The following IPO11 variants were observed in gnomAD, a reference collection of about 807,000 sequenced individuals.
IPO11 encodes importin 11, also known as importin-11.
Under a neutral mutation model 143.2 loss-of-function variants are expected in IPO11, and 66 were observed. The observed-to-expected ratio is 0.46, with a 90% CI of 0.38 to 0.57. IPO11 has a LOEUF of 0.57. Ranked by LOEUF, IPO11 falls within the 20% of genes least tolerant of loss-of-function variation. The pLI, the probability that IPO11 is intolerant of heterozygous loss-of-function variation, is 0.00. For synonymous variants in IPO11, 385 were observed against 377.8 expected (o/e 1.02, Z -0.22); for missense variants, 1,026 against 1,141.0 (o/e 0.90, Z 1.45).
intron 27 of IPO11, among the ~76,000 whole-genome samples, chr5:62,572,882 C>T (rs2112387592): frequency 6.6e-6 from 1 of 152,252 alleles, no homozygotes; most frequent in African/African-American, 2.4e-5. Flanking sequence ...TGTGCCAGGC[C>T]TTTCACATTC....
intron 21 of IPO11, among the ~76,000 whole-genome samples, chr5:62,529,212 A>G (rs941330738): frequency 6.6e-6 from 1 of 152,150 alleles, no homozygotes; most frequent in Non-Finnish European, 1.5e-5. Flanking sequence ...AAGACTTTGT[A>G]TAGTTTTTTT....
intron 3 of IPO11, among the ~76,000 whole-genome samples, chr5:62,447,465 C>G (rs1482658799): frequency 1.3e-5 from 2 of 152,084 alleles, no homozygotes; most frequent in Non-Finnish European, 2.9e-5. Flanking sequence ...CTACTGAAAG[C>G]TTTGTTTTCC....
In IPO11 at chr5:62,551,076, A is replaced by G. The variant is rs150487225; in HGVS notation, c.2347-147A>G. 1,284 of 419,170 alleles carry G rather than the reference A, an allele frequency of 3.1e-3. 16 individuals are homozygous for G. The highest frequency in any genetic ancestry group is 0.023 in the African/African-American group (1,179 of 50,444). 26.0% of individuals were successfully genotyped at this position (419,170 alleles called of 1,614,324 possible). ...TCATATATGTATTTAGTAAGTTAGAACTCAGGCAGTATTGATAGTTCATTC... is the reference window on the plus strand; with the variant it reads ...TCATATATGTATTTAGTAAGTTAGAGCTCAGGCAGTATTGATAGTTCATTC... On this transcript the variant is annotated intron_variant, in intron 25 of 29. Coordinates refer to ENST00000325324, the MANE Select transcript of IPO11 (RefSeq NM_016338.5).
chr5:62,590,458 G>A (rs1744967567), intron 27 of IPO11, among the ~76,000 whole-genome samples: 2 of 152,098 alleles, frequency 1.3e-5, no homozygotes, highest in Admixed American at 6.5e-5. Flanking sequence ...CCTACTTCCT[G>A]TATTTAAAAT....
At chr5:62,440,147 A>G (rs1401063439) in intron 2 of IPO11, among the ~76,000 whole-genome samples, 1 of 152,206 alleles carries the variant, frequency 6.6e-6, no homozygotes, top group East Asian at 1.9e-4. Context: ...GAAGGTGGAC[A>G]TGTAAAGTGT....
At chr5:62,451,972 T>C in intron 5 of IPO11, 39 bp downstream of exon 5, 1 of 1,557,956 alleles carries the variant, frequency 6.4e-7, no homozygotes, top group South Asian at 1.1e-5. Context: ...TTATGAAAAT[T>C]GTGCGGCCGG....
chr5:62,573,140 G>C (rs1744199452), intron 27 of IPO11, among the ~76,000 whole-genome samples: 1 of 151,766 alleles, frequency 6.6e-6, no homozygotes, highest in South Asian at 2.1e-4. Context: ...TCTGCCTCCC[G>C]GCTTGTAGCT....
chr5:62,419,121 C>G, intron 1 of IPO11: 1 of 1,549,460 alleles, frequency 6.5e-7, no homozygotes, highest in African/African-American at 1.4e-5. Context: ...GCAGTTGTCA[C>G]AAAATGGTAA....
intron 7 of IPO11, among the ~76,000 whole-genome samples, chr5:62,470,965 T>C: frequency 6.6e-6 from 1 of 151,308 alleles, no homozygotes; most frequent in Non-Finnish European, 1.5e-5. Flanking sequence ...GTCACTGGGA[T>C]TACAGGCATG....
At chr5:62,591,551 C>G (rs370219019) in intron 27 of IPO11, 26 bp from the exon 28 acceptor site, 1 of 1,323,104 alleles carries the variant, frequency 7.6e-7, no homozygotes. Flanking sequence ...TTCCAGTTAA[C>G]CTGTTTTGCT....
chr5:62,560,583 A>G (rs1743737581), intron 26 of IPO11: 1 of 152,304 alleles, frequency 6.6e-6, no homozygotes, highest in Non-Finnish European at 1.5e-5. Flanking sequence ...CAGAGTTTAT[A>G]CATAAAATTA....
Position 62,476,667 on chromosome 5 carries a change from A to C in IPO11, c.758-16A>C. ...GAACTTATTAACTTCTAATATTTGA[A>C]ATGTATTTTTAACAGGTAGAAGTAT... On this transcript the variant is annotated splice_polypyrimidine_tract_variant and intron_variant, in intron 8 of 29. Coordinates refer to ENST00000325324, the MANE Select transcript of IPO11 (RefSeq NM_016338.5). 1 of 1,506,098 alleles carries C rather than the reference A, an allele frequency of 6.6e-7. No individual in the cohort carries two copies. Among genetic ancestry groups the C allele is most frequent in the South Asian group, 1.3e-5 (1 of 75,422 alleles). 93.3% of individuals were successfully genotyped at this position (1,506,098 alleles called of 1,614,324 possible).
intron 15 of IPO11, among the ~76,000 whole-genome samples, chr5:62,492,719 G>C (rs781150077): frequency 9.2e-5 from 14 of 151,888 alleles, no homozygotes; most frequent in Non-Finnish European, 1.3e-4. Flanking sequence ...TTTTTGTGTA[G>C]TTTTGGTAGG....
At chr5:62,604,297 C>T (rs933774565) in intron 29 of IPO11, among the ~76,000 whole-genome samples, 1 of 152,072 alleles carries the variant, frequency 6.6e-6, no homozygotes, top group African/African-American at 2.4e-5. Flanking sequence ...CAACCTCCGC[C>T]TCCCAGGTTC....
intron 5 of IPO11, among the ~76,000 whole-genome samples, chr5:62,457,351 G>T (rs769115918): frequency 1.3e-5 from 2 of 152,082 alleles, no homozygotes; most frequent in Non-Finnish European, 2.9e-5. Context: ...AGGCATGGTG[G>T]TGTATGTATG....
chr5:62,590,321 ATTG>A (rs1384746624), intron 27 of IPO11, among the ~76,000 whole-genome samples: 3 of 152,184 alleles, frequency 2.0e-5, no homozygotes, highest in Non-Finnish European at 4.4e-5. Context: ...ATTTCAATAA[ATTG>A]TTGTTCTTTA....
At chr5:62,569,751 A>G (rs925546113) in intron 27 of IPO11, among the ~76,000 whole-genome samples, 1 of 152,198 alleles carries the variant, frequency 6.6e-6, no homozygotes, top group Non-Finnish European at 1.5e-5. Flanking sequence ...ATTACTTTGA[A>G]GTTTCAGGAC....
intron 5 of IPO11, among the ~76,000 whole-genome samples, chr5:62,453,660 C>A (rs761685677): frequency 1.1e-4 from 16 of 152,078 alleles, no homozygotes; most frequent in Non-Finnish European, 1.9e-4. Flanking sequence ...CAAAAACATT[C>A]GTTTTCAATC....
At chr5:62,505,077 T>C (rs964217972) in intron 18 of IPO11, among the ~76,000 whole-genome samples, 179 bp downstream of exon 18, 5 of 152,198 alleles carry the variant, frequency 3.3e-5, no homozygotes, top group East Asian at 1.9e-4. Context: ...TGGTAACTTT[T>C]ATTGCTAACA....
Sources: allele counts gnomAD v4.1 joint callset (sites outside exome capture counted in the v4.1 genomes callset), GRCh38; gene constraint gnomAD v4.1.1; transcripts MANE v1.5; gene names NCBI Gene and HGNC (gene_info 2026-07-23, HGNC 2026-07-21).